Variants in SPTBN4 observed in about 807,000 individuals in gnomAD.
SPTBN4 encodes spectrin beta chain, non-erythrocytic 4.
SPTBN4 carries 96 observed loss-of-function variants against 277.8 expected under a neutral mutation model. That is an observed-to-expected ratio of 0.35 (90% confidence interval 0.29 to 0.41). SPTBN4 has a LOEUF of 0.41. SPTBN4 is among the 10% of genes least tolerant of loss of function. The pLI is 1.00. For missense variants in SPTBN4, 3,006 were observed against 3,595.7 expected (o/e 0.84, Z 4.19); for synonymous variants, 1,481 against 1,580.3 (o/e 0.94, Z 1.49).
Position 40,497,524 on chromosome 19 carries a change from C to T in SPTBN4, c.704C>T (p.Ser235Phe), listed in dbSNP as rs770980247. ...DLVDFSKLTK[S>F]NANYNLQRAF... ...GTGGACTTCAGCAAACTCACCAAGT[C>T]CAATGCCAACTACAACCTGCAGAGA... Residue 235 changes from serine (S) to phenylalanine (F), a missense_variant, in exon 7 of 36, where the codon TCC (serine) becomes TTC (phenylalanine). Transcript: ENST00000598249. 13 of 1,614,032 alleles carry T rather than the reference C, an allele frequency of 8.1e-6. No individual in the cohort carries two copies. The South Asian group carries it at 1.2e-4, about 15-fold the overall frequency.
chr19:40,529,876 G>A (rs957526378), intron 18 of SPTBN4, among the ~76,000 whole-genome samples: 8 of 152,064 alleles, frequency 5.3e-5, no homozygotes, highest in South Asian at 4.1e-4. Context: ...ACCAAAGCTG[G>A]TTCAGGAACC....
At chr19:40,504,516 A>G (rs2080301913) in intron 12 of SPTBN4, among the ~76,000 whole-genome samples, 1 of 151,750 alleles carries the variant, frequency 6.6e-6, no homozygotes, top group African/African-American at 2.4e-5. Flanking sequence ...AAAATACAAA[A>G]CAATTAGCCG....
In SPTBN4 at chr19:40,549,278, G is replaced by A. The variant is rs756946835; in HGVS notation, c.4449G>A (p.Lys1483=). The part of the protein sequence containing the change: ...TAALPLEPAS[K]ELVGERQNAV... ...CGCTGCCGCTGGAGCCGGCGAGCAA[G>A]GAGCTGGTGGGTGAGCGGCAGAACG... The change falls in exon 21 of 36, where the codon AAG becomes AAA. Residue 1483 remains lysine, a synonymous_variant. Coordinates refer to ENST00000598249, the MANE Select transcript of SPTBN4 (RefSeq NM_020971.3). 8 of 1,544,684 alleles carry A rather than the reference G, an allele frequency of 5.2e-6. No homozygotes were observed. In the African/African-American group the frequency reaches 1.1e-4, roughly 21 times the overall value.
At chr19:40,532,186 G>A (rs1309573855) in intron 18 of SPTBN4, among the ~76,000 whole-genome samples, 1 of 151,834 alleles carries the variant, frequency 6.6e-6, no homozygotes, top group Non-Finnish European at 1.5e-5. Context: ...GGTCCTTATT[G>A]GGGGGTGGCT....
In SPTBN4 at chr19:40,501,992, A is replaced by G; in HGVS notation, c.856A>G (p.Lys286Glu). Residue 286 changes from lysine to glutamate, a missense_variant, in exon 8 of 36, where the codon AAG becomes GAG. Lys to Glu is a moderately conservative substitution (Grantham distance 56, BLOSUM62 1). Transcript: ENST00000598249. ...YVVSFYHYFSKMKALAVEGKR... is the reference protein window; with the variant it reads ...YVVSFYHYFSEMKALAVEGKR... ...GGTCTCTTTCTACCACTATTTCTCCAAGATGAAGGCTCTGGCTGTGGAGGG... is the reference window on the plus strand; with the variant it reads ...GGTCTCTTTCTACCACTATTTCTCCGAGATGAAGGCTCTGGCTGTGGAGGG... 6.2e-7 allele frequency: 1 copy of G among 1,614,204 alleles called. No homozygotes were observed. Among genetic ancestry groups the G allele is most frequent in the South Asian group, 1.1e-5 (1 of 91,092 alleles).
rs999020002 is a variant in SPTBN4, at chr19:40,545,098, T to A, written c.4360-4091T>A. 7.9e-5 allele frequency among the ~76,000 whole-genome samples: 12 copies of A among 151,934 alleles called. 1 individual carries two copies. Among genetic ancestry groups the A allele is most frequent in the South Asian group, 2.1e-4 (1 of 4,816 alleles). On this transcript the variant is annotated intron_variant, in intron 20 of 35. Transcript: ENST00000598249. ...TAAAAAAATTTTTATTATTATTATT[T>A]AAAAATTTTTTTTTCAGGATGGAGT...
At chr19:40,531,686 T>C (rs2080676678) in intron 18 of SPTBN4, among the ~76,000 whole-genome samples, 1 of 151,322 alleles carries the variant, frequency 6.6e-6, no homozygotes, top group Non-Finnish European at 1.5e-5. Context: ...TCTAGTGCCG[T>C]GAGAGGGGCC....
rs539035130 is a variant in SPTBN4 at position 40,480,555 on chromosome 19, T to C, written c.170-7142T>C. 2.0e-5 allele frequency among the ~76,000 whole-genome samples: 3 copies of C among 152,332 alleles called. No homozygotes were observed. In the South Asian group the frequency reaches 6.2e-4, roughly 32 times the overall value. On this transcript the variant is annotated intron_variant, in intron 2 of 35. Transcript: ENST00000598249. ...CTTCATTTTGCTGGTGTTTTAACTT[T>C]CTGTAAATGGAATAATGCATTGTGT...
chr19:40,473,588 C>T (rs1352284950), intron 2 of SPTBN4, among the ~76,000 whole-genome samples: 1 of 151,664 alleles, frequency 6.6e-6, no homozygotes, highest in African/African-American at 2.4e-5. Flanking sequence ...AACTCCCAAC[C>T]TCAGGTGATC....
chr19:40,503,541 A>G (rs553729211), intron 11 of SPTBN4, among the ~76,000 whole-genome samples: 112 of 140,080 alleles, frequency 8.0e-4, no homozygotes, highest in African/African-American at 3.0e-3. Context: ...GCTGGTCTCC[A>G]GGATAACTGT....
At chr19:40,522,950 G>A (rs1455777674) in intron 16 of SPTBN4, among the ~76,000 whole-genome samples, 1 of 151,990 alleles carries the variant, frequency 6.6e-6, no homozygotes, top group Non-Finnish European at 1.5e-5. Flanking sequence ...TGGCCAACAT[G>A]GTGAAACCCC....
intron 22 of SPTBN4, among the ~76,000 whole-genome samples, chr19:40,553,096 T>C (rs904395490): frequency 2.0e-5 from 3 of 152,154 alleles, no homozygotes; most frequent in South Asian, 2.1e-4. Context: ...TCTGGCTCCA[T>C]AGGTTGGGAG....
chr19:40,572,890 C>G (rs927512135), intron 35 of SPTBN4, among the ~76,000 whole-genome samples: 7 of 152,086 alleles, frequency 4.6e-5, no homozygotes, highest in African/African-American at 1.7e-4. Context: ...ACCTGGAAGG[C>G]GGAGGTTGCA....
intron 15 of SPTBN4, among the ~76,000 whole-genome samples, chr19:40,516,043 GTA>G (rs771711123): frequency 2.9e-5 from 4 of 139,242 alleles, no homozygotes; most frequent in Middle Eastern, 3.7e-3. Context: ...ACATATATAT[GTA>G]TATATATATA....
intron 5 of SPTBN4, among the ~76,000 whole-genome samples, chr19:40,493,546 G>T (rs2080161879): frequency 6.6e-6 from 1 of 152,036 alleles, no homozygotes; most frequent in Non-Finnish European, 1.5e-5. Flanking sequence ...TTTTTTTGTT[G>T]TTGTTGTCGT....
intron 26 of SPTBN4, 152 bp downstream of exon 26, chr19:40,557,555 G>T (rs1055542054): frequency 2.4e-5 from 23 of 950,802 alleles, no homozygotes; most frequent in African/African-American, 5.0e-5. Flanking sequence ...AGATAATGGA[G>T]CAGATAGAAA....
At chr19:40,535,203 A>G (rs890806274) in intron 20 of SPTBN4, among the ~76,000 whole-genome samples, 8 of 151,958 alleles carry the variant, frequency 5.3e-5, no homozygotes, top group Non-Finnish European at 8.8e-5. Context: ...CCACAAGCGC[A>G]TACCACCACG....
chr19:40,489,971 G>T, intron 3 of SPTBN4, 104 bp from the exon 4 acceptor site: 2 of 1,217,330 alleles, frequency 1.6e-6, no homozygotes, highest in South Asian at 1.6e-5. Flanking sequence ...GACACTCAGG[G>T]GGCGTGGCCA....
chr19:40,519,702 G>A lies in SPTBN4; in HGVS notation c.3205G>A (p.Glu1069Lys), dbSNP rs1375293164. ...CCAGGGCGCGGAGGAGCTGGGCGCC[G>A]AGTGGGGCGCGCTAGCTAGCGCGGC... ...LHQGAEELGA[E>K]WGALASAAQA... Residue 1069 changes from glutamate (E) to lysine (K), a missense_variant, in exon 16 of 36, where the codon GAG becomes AAG. Around this residue, in one of 5 missense-constraint regions of SPTBN4, gnomAD observed 1,759 missense variants for 2,061.5 expected, o/e 0.85. Transcript: ENST00000598249. This position sits in a 1 kb window ranked among gnomAD's most constrained non-coding sequence, Gnocchi z 5.7. 1 of 1,388,524 alleles carries A rather than the reference G, an allele frequency of 7.2e-7. No homozygotes were observed. The highest frequency in any genetic ancestry group is 1.6e-5 in the South Asian group (1 of 61,050). The allele number at this position is 1,388,524 out of a possible 1,614,324, so 86.0% of individuals were successfully genotyped here. A position where few individuals can be genotyped will look rare whatever the true frequency, so the allele number is the denominator to read the frequency against.
Sources: gnomAD v4.1 joint callset for allele counts (sites outside exome capture counted in the v4.1 genomes callset) on GRCh38, gnomAD v4.1.1 for gene constraint, gnomAD v4.1.1 regional missense constraint, Gnocchi (gnomAD v3.1) non-coding constraint, MANE v1.5 for transcripts, NCBI Gene and HGNC (gene_info 2026-07-23, HGNC 2026-07-21) for gene names.